Variants in MMP26 observed in about 807,000 individuals in gnomAD.
MMP26 encodes the protein matrix metallopeptidase 26, also known as matrix metalloproteinase-26.
In MMP26, 33 loss-of-function variants were observed where a neutral mutation model predicts 31.0. That is an observed-to-expected ratio of 1.06 (90% CI 0.81 to 1.42). The LOEUF is 1.42. MMP26 is among the 40% of genes most tolerant of loss of function. The pLI is 0.00. For synonymous variants in MMP26, 122 were observed against 114.9 expected, an observed-to-expected ratio of 1.06 and a Z score of -0.40; for missense variants, 347 against 316.1, an observed-to-expected ratio of 1.10 and a Z score of -0.74.
chr11:4,974,297 G>GA (rs200157541), intron 2 of MMP26, among the ~76,000 whole-genome samples: 1 of 150,320 alleles, frequency 6.7e-6, no homozygotes, highest in African/African-American at 2.4e-5. Context: ...AAATTCAGCT[G>GA]AAAAAAAAGG....
Position 4,948,059 on chromosome 11 carries a change from C to T in MMP26, c.-144-40009C>T, listed in dbSNP as rs1423345274. ...TTTTATTCCTGAATCCTGGATCCAT[C>T]TCCCCAGACCCATTAGACATCACTA... On this transcript the variant is annotated intron_variant, in intron 2 of 7. Coordinates refer to ENST00000380390, the MANE Select transcript of MMP26 (RefSeq NM_021801.5). 1.6e-5 allele frequency among the ~76,000 whole-genome samples: 2 copies of T among 124,266 alleles called. 1 individual carries two copies. The highest frequency in any genetic ancestry group is 3.6e-5 in the Non-Finnish European group (2 of 54,858). The allele number at this position is 124,266 out of a possible 152,430, so 81.5% of individuals were successfully genotyped here.
At chr11:4,798,573 G>C (rs1297517052) in intron 2 of MMP26, among the ~76,000 whole-genome samples, 1 of 152,208 alleles carries the variant, frequency 6.6e-6, no homozygotes, top group African/African-American at 2.4e-5. Context: ...CACTCTGCTA[G>C]GATTTGCTGA....
chr11:4,724,991 C>G (rs544778369), intron 1 of MMP26, among the ~76,000 whole-genome samples: 14 of 152,286 alleles, frequency 9.2e-5, no homozygotes, highest in African/African-American at 3.1e-4. Flanking sequence ...ATCACAGGGA[C>G]AGTTTCTCAT....
At chr11:4,879,243 G>T (rs923100130) in intron 2 of MMP26, among the ~76,000 whole-genome samples, 1 of 152,050 alleles carries the variant, frequency 6.6e-6, no homozygotes, top group Non-Finnish European at 1.5e-5. Flanking sequence ...CAAGACAGGG[G>T]AAAGTACAAA....
intron 2 of MMP26, among the ~76,000 whole-genome samples, chr11:4,810,252 G>T (rs574453742): frequency 7.4e-6 from 1 of 135,648 alleles, no homozygotes; most frequent in East Asian, 2.0e-4. Flanking sequence ...TTTTTAGTCG[G>T]AGTACATATA....
chr11:4,772,137 C>T (rs549054788), intron 2 of MMP26, among the ~76,000 whole-genome samples: 1 of 152,330 alleles, frequency 6.6e-6, no homozygotes, highest in South Asian at 2.1e-4. Flanking sequence ...AAACCACCCT[C>T]TCTCCCTATC....
chr11:4,907,935 G>T, intron 2 of MMP26: 4 of 1,614,074 alleles, frequency 2.5e-6, no homozygotes, highest in Non-Finnish European at 3.4e-6. Flanking sequence ...AAGCTGGCCT[G>T]CTCTGACAAC....
intron 2 of MMP26, among the ~76,000 whole-genome samples, chr11:4,768,729 C>T (rs1214419005): frequency 6.6e-6 from 1 of 152,154 alleles, no homozygotes; most frequent in African/African-American, 2.4e-5. Flanking sequence ...AACAAAGAGT[C>T]AATACATGTT....
chr11:4,781,813 A>G (rs1251237119), intron 2 of MMP26, among the ~76,000 whole-genome samples: 1 of 151,892 alleles, frequency 6.6e-6, no homozygotes, highest in African/African-American at 2.4e-5. Context: ...TCTTTCCCAT[A>G]CTGTTCTCAT....
intron 2 of MMP26, among the ~76,000 whole-genome samples, chr11:4,856,597 A>T (rs1850057189): frequency 6.6e-6 from 1 of 152,154 alleles, no homozygotes; most frequent in Admixed American, 6.5e-5. Flanking sequence ...CTACAAAGAG[A>T]CTTAGACTCC....
Position 4,986,931 on chromosome 11 carries a change from CCCTCTCTCT to C in MMP26, c.-144-1135_-144-1127del, listed in dbSNP as rs1564819720. Among the ~76,000 whole-genome samples, 96 of 88,830 alleles carry C rather than the reference CCCTCTCTCT, an allele frequency of 1.1e-3. 1 individual carries two copies. The highest frequency in any genetic ancestry group is 4.0e-3 in the African/African-American group (89 of 22,486). The allele number at this position is 88,830 out of a possible 152,430, so 58.3% of individuals were successfully genotyped here. On this transcript the variant is annotated intron_variant, in intron 2 of 7. Transcript: ENST00000380390. ...TCTCTCTCTCTCTCTCTCTCTCTCT[CCCTCTCTCT>C]CTCTCTCTCTCTCTCTCTCCCTCTC...
chr11:4,753,422 C>T (rs930714486), intron 1 of MMP26, among the ~76,000 whole-genome samples: 3 of 151,728 alleles, frequency 2.0e-5, no homozygotes, highest in African/African-American at 7.3e-5. Context: ...TGATGTTTAC[C>T]ACTTACTCTC....
rs55952783 is a variant in MMP26, at chr11:4,974,832, T to C, written c.-144-13236T>C. Among the ~76,000 whole-genome samples, 475 of 152,156 alleles carry C rather than the reference T, an allele frequency of 3.1e-3. 6 individuals carry two copies. The highest frequency in any genetic ancestry group is 0.011 in the African/African-American group (456 of 41,440). ...ACATGGATGGGGCTGGAAGCCATTATCCTCAGCAAACTGACACAGGAACAG... is the reference window on the plus strand; with the variant it reads ...ACATGGATGGGGCTGGAAGCCATTACCCTCAGCAAACTGACACAGGAACAG... On this transcript the variant is annotated intron_variant, in intron 2 of 7. Transcript: ENST00000380390.
At chr11:4,868,594 C>T (rs1850269009) in intron 2 of MMP26, among the ~76,000 whole-genome samples, 1 of 152,148 alleles carries the variant, frequency 6.6e-6, no homozygotes, top group South Asian at 2.1e-4. Flanking sequence ...AAGAACATTC[C>T]ATGCTCTTTG....
intron 2 of MMP26, among the ~76,000 whole-genome samples, chr11:4,880,853 AC>A (rs940816093): frequency 1.3e-5 from 2 of 152,192 alleles, no homozygotes; most frequent in African/African-American, 4.8e-5. Flanking sequence ...TTCAGTGTTA[AC>A]AAATTAACAG....
chr11:4,801,798 C>T (rs1007605206), intron 2 of MMP26, among the ~76,000 whole-genome samples: 12 of 152,010 alleles, frequency 7.9e-5, no homozygotes, highest in South Asian at 2.1e-4. Flanking sequence ...CCTCGGCTCC[C>T]GAAGTGCTGG....
chr11:4,761,531 C>A (rs959175178), intron 1 of MMP26, among the ~76,000 whole-genome samples: 2 of 152,126 alleles, frequency 1.3e-5, no homozygotes, highest in Non-Finnish European at 2.9e-5. Context: ...CCCATTGGGT[C>A]AGTTAGCTAG....
At chr11:4,734,846 T>TA (rs1296636856) in intron 1 of MMP26, among the ~76,000 whole-genome samples, 562 of 150,856 alleles carry the variant, frequency 3.7e-3, no homozygotes, top group Middle Eastern at 6.9e-3. Flanking sequence ...ATAGCATATT[T>TA]TCAGCTTGTA....
intron 1 of MMP26, among the ~76,000 whole-genome samples, chr11:4,732,541 C>CA (rs56079183): frequency 0.033 from 3,119 of 94,000 alleles, 107 homozygotes; most frequent in African/African-American, 0.092. Flanking sequence ...AGACTCGTCT[C>CA]AAAAAAAAAA....
Sources: allele counts gnomAD v4.1 joint callset (sites outside exome capture counted in the v4.1 genomes callset), GRCh38; gene constraint gnomAD v4.1.1; transcripts MANE v1.5; gene names NCBI Gene and HGNC (gene_info 2026-07-23, HGNC 2026-07-21).